TFEC: variants seen among roughly 807,000 people sequenced by gnomAD.
TFEC encodes the protein class E basic helix-loop-helix protein 34.
A neutral mutation model predicts 41.6 loss-of-function variants in TFEC; 31 were observed. The observed-to-expected ratio is 0.74, with a 90% CI of 0.56 to 1.01. The LOEUF (loss-of-function observed/expected upper bound fraction) is 1.01, where lower values mean the gene tolerates loss of function less well. TFEC is among the 50% of genes least tolerant of loss of function. TFEC has a pLI of 0.00. For missense variants in TFEC, 402 were observed against 404.1 expected, an observed-to-expected ratio of 0.99 and a Z score of 0.04; for synonymous variants, 143 against 140.6, an observed-to-expected ratio of 1.02 and a Z score of -0.12.
At chr7:116,035,846 A>G (rs1227746165) in intron 3 of TFEC, among the ~76,000 whole-genome samples, 1 of 152,000 alleles carries the variant, frequency 6.6e-6, no homozygotes, top group African/African-American at 2.4e-5. Flanking sequence ...GAAAAGAGAA[A>G]GATCCGTACC....
chr7:115,949,134 A>G (rs1291093436), intron 6 of TFEC, among the ~76,000 whole-genome samples: 2 of 152,162 alleles, frequency 1.3e-5, no homozygotes, highest in Non-Finnish European at 2.9e-5. Flanking sequence ...TAGGAATCCA[A>G]CTTAAAAGGG....
At chr7:116,087,450 T>C (rs1173652780) in intron 3 of TFEC, among the ~76,000 whole-genome samples, 1 of 152,014 alleles carries the variant, frequency 6.6e-6, no homozygotes, top group African/African-American at 2.4e-5. Flanking sequence ...ACTCTCCATA[T>C]CTAAACAGAA....
intron 3 of TFEC, among the ~76,000 whole-genome samples, chr7:116,039,811 T>C (rs1234136238): frequency 1.3e-5 from 2 of 152,122 alleles, no homozygotes; most frequent in African/African-American, 4.8e-5. Flanking sequence ...TATTTTATTC[T>C]TTTAGAGGTT....
At chr7:116,002,760 G>C (rs1211837492) in intron 1 of TFEC, among the ~76,000 whole-genome samples, 1 of 151,984 alleles carries the variant, frequency 6.6e-6, no homozygotes, top group Non-Finnish European at 1.5e-5. Context: ...TTTTATGCTT[G>C]TATCAAAATA....
chr7:116,006,167 C>G (rs971501813), intron 1 of TFEC, among the ~76,000 whole-genome samples: 4 of 152,238 alleles, frequency 2.6e-5, no homozygotes, highest in Admixed American at 2.0e-4. Context: ...AGCCTCCGCA[C>G]AGAGTCCCTA....
chr7:116,047,471 T>C (rs1296250984), intron 3 of TFEC, among the ~76,000 whole-genome samples: 1 of 152,080 alleles, frequency 6.6e-6, no homozygotes, highest in Non-Finnish European at 1.5e-5. Flanking sequence ...CCACCATTGC[T>C]GAGGCTTGAG....
Position 116,085,768 on chromosome 7 carries a change from T to G in TFEC, c.198+24940A>C, listed in dbSNP as rs759368715. ...GCTAAAGTTACATAGATTTCACCTT[T>G]AGCTGGAACTGTGTGTAAAATGTAT... On this transcript the variant is annotated intron_variant, in intron 3 of 8. Coordinates refer to the TFEC transcript ENST00000484212. 3.3e-5 allele frequency among the ~76,000 whole-genome samples: 5 copies of G among 152,076 alleles called. No individual in the cohort carries two copies. In the South Asian group the frequency reaches 8.3e-4, roughly 25 times the overall value.
At chr7:115,975,524 T>C (rs1269853995) in intron 2 of TFEC, among the ~76,000 whole-genome samples, 1 of 152,208 alleles carries the variant, frequency 6.6e-6, no homozygotes, top group Non-Finnish European at 1.5e-5. Context: ...ACACTATTCA[T>C]ATCTTAACAA....
intron 2 of TFEC, among the ~76,000 whole-genome samples, chr7:115,981,401 T>G (rs763834743): frequency 6.6e-6 from 1 of 152,074 alleles, no homozygotes; most frequent in Non-Finnish European, 1.5e-5. Flanking sequence ...CTTCTCAAAT[T>G]ATACCACATT....
At chr7:115,985,450 A>G (rs1793810205) in intron 1 of TFEC, among the ~76,000 whole-genome samples, 1 of 152,146 alleles carries the variant, frequency 6.6e-6, no homozygotes, top group Non-Finnish European at 1.5e-5. Flanking sequence ...TGGCCTATAT[A>G]TAAACCGATT....
chr7:116,065,656 G>C (rs1796678197), intron 3 of TFEC, among the ~76,000 whole-genome samples: 1 of 152,070 alleles, frequency 6.6e-6, no homozygotes, highest in Non-Finnish European at 1.5e-5. Flanking sequence ...CTGAGACAGG[G>C]AAAATGAAGG....
chr7:116,056,282 G>T (rs2130972738), intron 3 of TFEC, among the ~76,000 whole-genome samples: 1 of 152,218 alleles, frequency 6.6e-6, no homozygotes, highest in South Asian at 2.1e-4. Context: ...AACCCAGGCA[G>T]AGGCTGGCAG....
intron 3 of TFEC, among the ~76,000 whole-genome samples, chr7:115,965,895 C>G (rs1792822952): frequency 6.6e-6 from 1 of 151,528 alleles, no homozygotes. Context: ...TGATCTATCA[C>G]TCAGATATGA....
At chr7:115,961,604 A>G (rs1457726239) in intron 3 of TFEC, among the ~76,000 whole-genome samples, 2 of 151,710 alleles carry the variant, frequency 1.3e-5, no homozygotes, top group Non-Finnish European at 3.0e-5. Context: ...TCATAAACCA[A>G]AGCTTGTTTT....
chr7:116,153,654 G>T (rs1197921051), intron 1 of TFEC, among the ~76,000 whole-genome samples: 1 of 151,328 alleles, frequency 6.6e-6, no homozygotes, highest in Middle Eastern at 3.4e-3. Flanking sequence ...ACAATAATTG[G>T]ACAAAGAGGA....
intron 1 of TFEC, among the ~76,000 whole-genome samples, chr7:116,114,940 A>G (rs1797946389): frequency 6.6e-6 from 1 of 151,762 alleles, no homozygotes. Flanking sequence ...TTGACAGAGA[A>G]TGAAGACAAA....
At chr7:116,129,800 C>G (rs533398662) in intron 1 of TFEC, among the ~76,000 whole-genome samples, 1 of 151,770 alleles carries the variant, frequency 6.6e-6, no homozygotes, top group African/African-American at 2.4e-5. Context: ...AATATTCTTA[C>G]GTTCTATAAT....
At chr7:115,942,165 A>G in intron 6 of TFEC, 125 bp from the exon 7 acceptor site, 1 of 971,974 alleles carries the variant, frequency 1.0e-6, no homozygotes, top group Middle Eastern at 2.4e-4. Context: ...CTTAGATATT[A>G]TTGCTTCTGA....
At chr7:115,965,838 A>G (rs1439734356) in intron 3 of TFEC, among the ~76,000 whole-genome samples, 1 of 151,594 alleles carries the variant, frequency 6.6e-6, no homozygotes, top group Non-Finnish European at 1.5e-5. Context: ...AATTCCACAT[A>G]TGCTTTTTCT....
Sources: allele counts gnomAD v4.1 joint callset (sites outside exome capture counted in the v4.1 genomes callset), GRCh38; gene constraint gnomAD v4.1.1; transcripts MANE v1.5; gene names NCBI Gene and HGNC (gene_info 2026-07-23, HGNC 2026-07-21).